The following RAB10 variants were observed in gnomAD, a reference collection of about 807,000 sequenced individuals.
RAB10 encodes RAB10, member RAS oncogene family, also known as ras-related protein Rab-10.
Under a neutral mutation model 25.7 loss-of-function variants are expected in RAB10, and 5 were observed. The observed-to-expected ratio is 0.19, with a 90% CI of 0.10 to 0.41. The LOEUF (loss-of-function observed/expected upper bound fraction) is 0.41. Ranked by LOEUF, RAB10 falls within the 10% of genes least tolerant of loss-of-function variation. RAB10 has a pLI of 1.00. For missense variants in RAB10, 103 were observed against 245.8 expected (o/e 0.42, Z 3.89); for synonymous variants, 89 against 86.4 (o/e 1.03, Z -0.16).
At chr2:26,049,551 G>A (rs1666087822) in intron 1 of RAB10, among the ~76,000 whole-genome samples, 1 of 151,910 alleles carries the variant, frequency 6.6e-6, no homozygotes, top group Non-Finnish European at 1.5e-5. Flanking sequence ...TGGGATTACA[G>A]GCACGCACCA....
intron 1 of RAB10, among the ~76,000 whole-genome samples, chr2:26,072,555 AAAAG>A (rs1666650051): frequency 6.6e-6 from 1 of 152,158 alleles, no homozygotes; most frequent in Non-Finnish European, 1.5e-5. Flanking sequence ...AAAGAAGAAA[AAAAG>A]AAATTACTTG....
chr2:26,084,319 C>A (rs926714494), intron 1 of RAB10, among the ~76,000 whole-genome samples: 10 of 152,120 alleles, frequency 6.6e-5, no homozygotes, highest in Non-Finnish European at 1.2e-4. Context: ...TTCATAAGTT[C>A]CCCCAACAGA....
At chr2:26,086,025 G>GA (rs1666979452) in intron 1 of RAB10, among the ~76,000 whole-genome samples, 2 of 136,168 alleles carry the variant, frequency 1.5e-5, no homozygotes, top group Non-Finnish European at 3.1e-5. Context: ...AAAGGGGGGG[G>GA]GCAAAGGGGC....
intron 1 of RAB10, among the ~76,000 whole-genome samples, chr2:26,044,485 G>T (rs1387903333): frequency 6.6e-6 from 1 of 151,928 alleles, no homozygotes; most frequent in East Asian, 1.9e-4. Flanking sequence ...TTCAAAGTGG[G>T]AAAACTGAGA....
At chr2:26,111,695 T>C (rs1559596241) in intron 3 of RAB10, among the ~76,000 whole-genome samples, 2 of 152,178 alleles carry the variant, frequency 1.3e-5, no homozygotes, top group Admixed American at 6.6e-5. Flanking sequence ...AAGTAGTCTG[T>C]AGTAAGAGCA....
chr2:26,074,452 C>G (rs1666690845), intron 1 of RAB10, among the ~76,000 whole-genome samples: 1 of 152,076 alleles, frequency 6.6e-6, no homozygotes, highest in Admixed American at 6.6e-5. Flanking sequence ...GAGATTCACT[C>G]TTGTCGCTCA....
At chr2:26,133,767 G>C (rs927805686) in intron 5 of RAB10, among the ~76,000 whole-genome samples, 1 of 151,814 alleles carries the variant, frequency 6.6e-6, no homozygotes, top group Non-Finnish European at 1.5e-5. Flanking sequence ...TCTGCCTCCC[G>C]AGTTCAAGCG....
intron 5 of RAB10, among the ~76,000 whole-genome samples, chr2:26,130,162 T>A (rs1044384813): frequency 6.6e-6 from 1 of 152,160 alleles, no homozygotes; most frequent in African/African-American, 2.4e-5. Flanking sequence ...ATTTTAAGAT[T>A]TTTTTTGAAA....
At chr2:26,058,541 A>G (rs1490597567) in intron 1 of RAB10, among the ~76,000 whole-genome samples, 3 of 151,968 alleles carry the variant, frequency 2.0e-5, no homozygotes, top group Admixed American at 6.6e-5. Context: ...AGGATTACAG[A>G]TGTATACCAC....
intron 1 of RAB10, among the ~76,000 whole-genome samples, chr2:26,057,463 C>T (rs964932539): frequency 1.2e-4 from 18 of 150,994 alleles, no homozygotes; most frequent in Admixed American, 2.0e-4. Flanking sequence ...AAAATAAAAA[C>T]TATAAGGAAT....
intron 1 of RAB10, among the ~76,000 whole-genome samples, chr2:26,070,014 C>G (rs929006359): frequency 6.6e-6 from 1 of 152,178 alleles, no homozygotes; most frequent in Non-Finnish European, 1.5e-5. Context: ...GCCTCCGATA[C>G]TTTTGACAAT....
intron 2 of RAB10, among the ~76,000 whole-genome samples, chr2:26,102,595 C>T (rs1390650376): frequency 5.3e-5 from 8 of 152,056 alleles, no homozygotes; most frequent in African/African-American, 1.2e-4. Context: ...CCTGTCACCA[C>T]GTCCAGCTAA....
Position 26,108,220 on chromosome 2 carries a change from T to C in RAB10, c.189-1548T>C, listed in dbSNP as rs964693940. 2.0e-5 allele frequency among the ~76,000 whole-genome samples: 3 copies of C among 152,216 alleles called. No individual in the cohort carries two copies. The East Asian group carries it at 5.8e-4, about 29-fold the overall frequency. On this transcript the variant is annotated intron_variant, in intron 2 of 5. Coordinates refer to ENST00000264710, the MANE Select transcript of RAB10 (RefSeq NM_016131.5). The stretch of plus-strand genomic sequence containing the variant: ...CTGTAAATGAATATTCTTCGAACTT[T>C]GTTATAGCCAAAAACTGGAAACAAC...
At chr2:26,074,730 A>G (rs554049425) in intron 1 of RAB10, among the ~76,000 whole-genome samples, 1 of 152,158 alleles carries the variant, frequency 6.6e-6, no homozygotes, top group African/African-American at 2.4e-5. Context: ...TTAAATGTTG[A>G]AAAAAGTGAG....
At chr2:26,113,204 A>G (rs1225908877) in intron 3 of RAB10, among the ~76,000 whole-genome samples, 1 of 152,210 alleles carries the variant, frequency 6.6e-6, no homozygotes. Flanking sequence ...ACACCATATT[A>G]ATAGACGACA....
chr2:26,033,533 G>A (rs1212225476), upstream of RAB10, among the ~76,000 whole-genome samples: 1 of 152,252 alleles, frequency 6.6e-6, no homozygotes, highest in Non-Finnish European at 1.5e-5. Context: ...TGGAGAGGGG[G>A]CACGCCGGGA....
intron 1 of RAB10, among the ~76,000 whole-genome samples, chr2:26,044,569 G>C (rs1172433424): frequency 6.7e-6 from 1 of 149,834 alleles, no homozygotes; most frequent in Non-Finnish European, 1.5e-5. Flanking sequence ...TTTTGAGATA[G>C]AGTTTCACTT....
At chr2:26,102,329 T>C (rs1045872908) in intron 2 of RAB10, among the ~76,000 whole-genome samples, 1 of 152,276 alleles carries the variant, frequency 6.6e-6, no homozygotes, top group African/African-American at 2.4e-5. Context: ...TTAATAATAC[T>C]GGTAGAATGA....
upstream of RAB10, among the ~76,000 whole-genome samples, chr2:26,033,533 G>T (rs1212225476): frequency 6.6e-6 from 1 of 152,252 alleles, no homozygotes; most frequent in Non-Finnish European, 1.5e-5. Context: ...TGGAGAGGGG[G>T]CACGCCGGGA....
Sources: allele counts gnomAD v4.1 joint callset (sites outside exome capture counted in the v4.1 genomes callset), GRCh38; gene constraint gnomAD v4.1.1; transcripts MANE v1.5; gene names NCBI Gene and HGNC (gene_info 2026-07-23, HGNC 2026-07-21).